The following FSTL1 variants were observed in gnomAD, a reference collection of about 807,000 sequenced individuals.
FSTL1 encodes the protein follistatin-related protein 1.
Under a neutral mutation model 45.9 loss-of-function variants are expected in FSTL1, and 24 were observed. The observed-to-expected ratio is 0.52, with a 90% confidence interval of 0.38 to 0.74. The LOEUF is 0.74. Among genes scored for constraint, FSTL1 ranks in the 30% least tolerant of loss-of-function variants. The pLI is 0.00. For synonymous variants in FSTL1, 120 were observed against 137.6 expected (o/e 0.87, Z 0.89); for missense variants, 340 against 381.8 (o/e 0.89, Z 0.91).
chr3:120,408,061 T>C lies in FSTL1; in HGVS notation c.462+1471A>G, dbSNP rs186476643. On this transcript the variant is annotated intron_variant, in intron 6 of 10. Transcript: ENST00000295633. ...CCTAAGTGGCCCCTGGGAAGGAGTGTCCTGGGCCCCACACCTCCTATGCTG... is the reference window on the plus strand; with the variant it reads ...CCTAAGTGGCCCCTGGGAAGGAGTGCCCTGGGCCCCACACCTCCTATGCTG... 7.3e-3 allele frequency among the ~76,000 whole-genome samples: 1,108 copies of C among 152,304 alleles called. 12 individuals are homozygous for C. The highest frequency in any genetic ancestry group is 9.1e-3 in the Non-Finnish European group (617 of 68,020).
intron 2 of FSTL1, among the ~76,000 whole-genome samples, chr3:120,422,147 C>T (rs780000568): frequency 3.9e-5 from 6 of 152,168 alleles, no homozygotes; most frequent in Admixed American, 6.5e-5. Flanking sequence ...CCCAGACCCA[C>T]CACAGTGTAC....
rs1015467215 is a variant in FSTL1, at chr3:120,394,338, A to G, written c.*2614T>C. 6.6e-6 allele frequency: 1 copy of G among 152,232 alleles called. No homozygotes were observed. Among genetic ancestry groups the G allele is most frequent in the South Asian group, 2.1e-4 (1 of 4,834 alleles). 9.4% of individuals were successfully genotyped at this position (152,232 alleles called of 1,614,324 possible). ...AAAAGGAAGAATCAGGAGTTACAAA[A>G]ACAAGTTAAATGCAATATAGAAGCC... On this transcript the variant is annotated 3_prime_UTR_variant, in exon 11 of 11. Transcript: ENST00000295633.
At chr3:120,411,190 G>T in intron 4 of FSTL1, 1 of 507,102 alleles carries the variant, frequency 2.0e-6, no homozygotes. Flanking sequence ...ACAATTTAGG[G>T]CCACTGAGTT....
chr3:120,450,188 C>T (rs530213440), intron 2 of FSTL1, among the ~76,000 whole-genome samples: 20 of 152,240 alleles, frequency 1.3e-4, no homozygotes, highest in African/African-American at 4.8e-4. Flanking sequence ...GGACACTTCA[C>T]AAAGAAGAAA....
Position 120,450,769 on chromosome 3 carries a change from A to C in FSTL1, c.1-23T>G, listed in dbSNP as rs776952669. 5 of 1,550,900 alleles carry C rather than the reference A, an allele frequency of 3.2e-6. No individual in the cohort carries two copies. The South Asian group carries it at 5.8e-5, about 18-fold the overall frequency. ...CATCTGCGGAAGAGAGAAGAGAGCG[A>C]GTCTGAAGGCGCCGGGCCCCGCGCT... is the stretch of plus-strand genomic sequence containing the variant. On this transcript the variant is annotated intron_variant, in intron 1 of 10. Transcript: ENST00000295633.
chr3:120,438,963 T>G (rs1937599869), intron 2 of FSTL1, among the ~76,000 whole-genome samples: 1 of 152,062 alleles, frequency 6.6e-6, no homozygotes, highest in Admixed American at 6.6e-5. Flanking sequence ...TCGTTGCCAG[T>G]CCCCCGGGAC....
intron 2 of FSTL1, among the ~76,000 whole-genome samples, chr3:120,435,772 C>T (rs1733303): frequency 0.58 from 87,530 of 152,144 alleles, 28,567 homozygotes; most frequent in East Asian, 0.76. Flanking sequence ...CACGACAATG[C>T]CATTTACACT....
At chr3:120,428,260 C>T (rs149457078) in intron 2 of FSTL1, among the ~76,000 whole-genome samples, 189 of 152,298 alleles carry the variant, frequency 1.2e-3, no homozygotes, top group African/African-American at 4.4e-3. Context: ...TAGGTGTGCC[C>T]ACGTGGTTTA....
chr3:120,428,937 A>T (rs1937431250), intron 2 of FSTL1, among the ~76,000 whole-genome samples: 1 of 152,256 alleles, frequency 6.6e-6, no homozygotes, highest in African/African-American at 2.4e-5. Flanking sequence ...GTGGCTCAGT[A>T]GGGTTCTAGG....
intron 2 of FSTL1, among the ~76,000 whole-genome samples, chr3:120,427,921 C>G (rs931686666): frequency 6.6e-6 from 1 of 152,050 alleles, no homozygotes; most frequent in African/African-American, 2.4e-5. Flanking sequence ...TGCCTGATAC[C>G]TTGGGGGCCT....
Position 120,395,832 on chromosome 3 carries a change from C to T in FSTL1, c.*1120G>A, listed in dbSNP as rs77725014. ...CAGAAAAAAGAAGAGACAGGGCCAA[C>T]TCACCCTCCTAGTTAGTCGAATGAG... On this transcript the variant is annotated 3_prime_UTR_variant, in exon 11 of 11. Coordinates refer to ENST00000295633, the MANE Select transcript of FSTL1 (RefSeq NM_007085.5). The T allele has an allele frequency of 3.1e-3, 1,364 of 445,062 alleles. 6 individuals are homozygous for T. The highest frequency in any genetic ancestry group is 0.022 in the East Asian group (345 of 15,570). 27.6% of individuals were successfully genotyped at this position (445,062 alleles called of 1,614,324 possible).
rs1451421913 is a variant in FSTL1, at chr3:120,433,666, T to C, written c.63+17018A>G. Among the ~76,000 whole-genome samples the C allele has an allele frequency of 4.6e-5, 7 of 152,066 alleles. No individual in the cohort carries two copies. The East Asian group carries it at 1.3e-3, about 29-fold the overall frequency. On this transcript the variant is annotated intron_variant, in intron 2 of 10. Coordinates refer to ENST00000295633, the MANE Select transcript of FSTL1 (RefSeq NM_007085.5). The stretch of plus-strand genomic sequence containing the variant: ...CAAGTTCATTTCAGCCTGTGATCAG[T>C]AAGTTTAGAGGAAAATAGAGTATGT...
chr3:120,450,875 G>A, intron 1 of FSTL1, 22 bp downstream of exon 1: 1 of 587,060 alleles, frequency 1.7e-6, no homozygotes, highest in Admixed American at 3.9e-5. Context: ...TCCGGCCTCC[G>A]CGCCGTGCGC....
Position 120,450,681 on chromosome 3 carries a change from T to A in FSTL1, c.63+3A>T. 1 of 1,439,248 alleles carries A rather than the reference T, an allele frequency of 6.9e-7. No individual in the cohort carries two copies. The allele number at this position is 1,439,248 out of a possible 1,614,324, so 89.2% of individuals were successfully genotyped here. On this transcript the variant is annotated splice_donor_region_variant and intron_variant, in intron 2 of 10. Coordinates refer to ENST00000295633, the MANE Select transcript of FSTL1 (RefSeq NM_007085.5). ...AGTTCGGACTCCTCGGCCCCTCGCC[T>A]ACCTCGGCGCGGACCCAGGCGACCG... is the stretch of plus-strand genomic sequence containing the variant.
At chr3:120,411,648 C>G (rs1330669045) in intron 4 of FSTL1, among the ~76,000 whole-genome samples, 1 of 152,218 alleles carries the variant, frequency 6.6e-6, no homozygotes, top group African/African-American at 2.4e-5. Flanking sequence ...TATAGCAAAC[C>G]CTGGGCAGAG....
At chr3:120,449,388 G>A (rs1937830189) in intron 2 of FSTL1, among the ~76,000 whole-genome samples, 1 of 152,184 alleles carries the variant, frequency 6.6e-6, no homozygotes, top group Non-Finnish European at 1.5e-5. Flanking sequence ...AGTGGTGTGG[G>A]TTAATGGTCA....
At position 120,403,293 on chromosome 3, in the gene FSTL1, A is replaced by G. The variant is rs759516293; in HGVS notation, c.643T>C (p.Phe215Leu). The G allele has an allele frequency of 8.1e-6, 13 of 1,612,730 alleles. No individual in the cohort carries two copies. Among genetic ancestry groups the G allele is most frequent in the African/African-American group, 1.3e-5 (1 of 74,906 alleles). Residue 215 changes from phenylalanine (F) to leucine (L), a missense_variant, in exon 8 of 11, where the codon TTC becomes CTC. Transcript: ENST00000295633. ...SDENADWKLS[F>L]QEFLKCLNPS... ...TTGAGGCACTTGAGAAACTCTTGGA[A>G]GCTGAGTTTCCAATCAGCATTTTCA...
chr3:120,408,073 C>T (rs2107653362), intron 6 of FSTL1, among the ~76,000 whole-genome samples: 1 of 152,348 alleles, frequency 6.6e-6, no homozygotes, highest in East Asian at 1.9e-4. Flanking sequence ...CTGGGCCCCA[C>T]ACCTCCTATG....
At chr3:120,419,646 T>C (rs973186945) in intron 2 of FSTL1, 1 of 152,330 alleles carries the variant, frequency 6.6e-6, no homozygotes. Context: ...ACAGCGACTA[T>C]GAGAAGTGAG....
Sources: allele counts gnomAD v4.1 joint callset (sites outside exome capture counted in the v4.1 genomes callset), GRCh38; gene constraint gnomAD v4.1.1; transcripts MANE v1.5; gene names NCBI Gene and HGNC (gene_info 2026-07-23, HGNC 2026-07-21).